ACTR5: variants seen among roughly 807,000 people sequenced by gnomAD.
The protein encoded by ACTR5 is actin related protein 5, also known as actin-related protein 5.
A neutral mutation model predicts 61.2 loss-of-function variants in ACTR5; 43 were observed. The ratio of observed to expected loss-of-function variants is 0.70; its 90% CI spans 0.55 to 0.91. ACTR5 has a LOEUF of 0.91. Among genes scored for constraint, ACTR5 ranks in the 40% least tolerant of loss-of-function variants. The pLI, the probability that ACTR5 is intolerant of heterozygous loss-of-function variation, is 0.00. For synonymous variants in ACTR5, 333 were observed against 310.5 expected (o/e 1.07, Z -0.76); for missense variants, 798 against 782.2 (o/e 1.02, Z -0.24).
chr20:38,754,748 A>G (rs902011770), intron 3 of ACTR5, among the ~76,000 whole-genome samples: 6 of 151,640 alleles, frequency 4.0e-5, no homozygotes, highest in Non-Finnish European at 8.8e-5. Flanking sequence ...GCCACCACGC[A>G]TGGCTAATTT....
chr20:38,751,727 G>A (rs1568633993), intron 2 of ACTR5, among the ~76,000 whole-genome samples: 1 of 152,130 alleles, frequency 6.6e-6, no homozygotes, highest in African/African-American at 2.4e-5. Context: ...CTTAAACTCT[G>A]GCCTTCAGTC....
At position 38,772,034 on chromosome 20, in the gene ACTR5, C is replaced by A; in HGVS notation, c.*218C>A. The A allele has an allele frequency of 1.6e-6, 1 of 607,274 alleles. No homozygotes were observed. Among genetic ancestry groups the A allele is most frequent in the Non-Finnish European group, 2.8e-6 (1 of 356,604 alleles). The allele number at this position is 607,274 out of a possible 1,614,324, so 37.6% of individuals were successfully genotyped here. A position where few individuals can be genotyped will look rare whatever the true frequency, so the allele number is the denominator to read the frequency against. The stretch of plus-strand genomic sequence containing the variant: ...GCTTCTGTGGTAGAGACTAACTGGC[C>A]TTCTGATGTCTTTGTTCAACTGTGG... On this transcript the variant is annotated 3_prime_UTR_variant, in exon 9 of 9. Coordinates refer to ENST00000243903, the MANE Select transcript of ACTR5 (RefSeq NM_024855.4).
In ACTR5 at chr20:38,772,261, G is replaced by A. The variant is rs558559255; in HGVS notation, c.*445G>A. The A allele has an allele frequency of 1.7e-5, 3 of 173,832 alleles. No homozygotes were observed. Among genetic ancestry groups the A allele is most frequent in the East Asian group, 3.0e-4 (2 of 6,604 alleles). 10.8% of individuals were successfully genotyped at this position (173,832 alleles called of 1,614,324 possible). ...TTGCATGAATGCCCAGTGAGGGGAG[G>A]TCTTTCATGCATATAAAAAGGTAAT... On this transcript the variant is annotated 3_prime_UTR_variant, in exon 9 of 9. Transcript: ENST00000243903.
At chr20:38,767,120 T>G (rs1005591567) in intron 7 of ACTR5, among the ~76,000 whole-genome samples, 3 of 152,212 alleles carry the variant, frequency 2.0e-5, no homozygotes, top group African/African-American at 2.4e-5. Context: ...GTGTCTTAAT[T>G]GTAGTGATGG....
At chr20:38,770,819 G>A (rs748083049) in intron 8 of ACTR5, among the ~76,000 whole-genome samples, 1 of 152,166 alleles carries the variant, frequency 6.6e-6, no homozygotes, top group East Asian at 1.9e-4. Flanking sequence ...CTCCATTTGT[G>A]CATGTTGATT....
chr20:38,768,118 C>T (rs375552761), intron 8 of ACTR5, among the ~76,000 whole-genome samples: 4 of 152,210 alleles, frequency 2.6e-5, no homozygotes, highest in African/African-American at 9.6e-5. Context: ...TGCATGATGT[C>T]GTGTACATTC....
Position 38,754,012 on chromosome 20 carries a change from A to T in ACTR5, c.776-945A>T, listed in dbSNP as rs1481074874. ...ACTTAGATTCTGTATTTACCACTTC[A>T]AGGGGAATGTGGAAATGTTAGCAAT... On this transcript the variant is annotated intron_variant, in intron 3 of 8. Coordinates refer to ENST00000243903, the MANE Select transcript of ACTR5 (RefSeq NM_024855.4). 7.2e-5 allele frequency among the ~76,000 whole-genome samples: 11 copies of T among 151,978 alleles called. No individual in the cohort carries two copies. The East Asian group carries it at 2.1e-3, about 29-fold the overall frequency.
chr20:38,762,333 AGT>A (rs2084459924), intron 5 of ACTR5, among the ~76,000 whole-genome samples: 1 of 152,176 alleles, frequency 6.6e-6, no homozygotes, highest in South Asian at 2.1e-4. Flanking sequence ...GCAGCTAGAG[AGT>A]GAATGTTTCA....
rs766053880 is a variant in ACTR5, at chr20:38,748,844, C to T, written c.366C>T (p.Val122=). 2 of 1,607,102 alleles carry T rather than the reference C, an allele frequency of 1.2e-6. No individual in the cohort carries two copies. The highest frequency in any genetic ancestry group is 1.7e-5 in the Admixed American group (1 of 59,624). Residue 122 remains valine, a synonymous_variant, in exon 1 of 9, where the codon GTC becomes GTT. Coordinates refer to ENST00000243903, the MANE Select transcript of ACTR5 (RefSeq NM_024855.4). ...ACTACAGCTTCCAGCACCTGGGTGT[C>T]TCCTCACAGGTGAAGGGCGGAGTAG... ...LLDYSFQHLG[V]SSQGCVDHPI... is the part of the protein sequence containing the mutation.
intron 6 of ACTR5, 99 bp from the exon 7 acceptor site, chr20:38,766,139 A>G (rs2145676128): frequency 7.3e-7 from 1 of 1,369,690 alleles, no homozygotes. Context: ...AACAAGGGAC[A>G]GAAACTATTG....
In ACTR5 at chr20:38,771,602, C is replaced by T; in HGVS notation, c.1610C>T (p.Ala537Val). Residue 537 changes from alanine (A) to valine (V), a missense_variant, in exon 9 of 9, where the codon GCT (alanine) becomes GTT (valine). Ala to Val is a moderately conservative substitution (Grantham distance 64, BLOSUM62 0). Coordinates refer to ENST00000243903, the MANE Select transcript of ACTR5 (RefSeq NM_024855.4). ...SNPVLDAWYG[A>V]RDWALNHLDD... ...CCTGTGCTGGATGCCTGGTACGGTG[C>T]TCGTGACTGGGCCTTGAACCACCTA... 1 of 1,614,144 alleles carries T rather than the reference C, an allele frequency of 6.2e-7. No homozygotes were observed. Among genetic ancestry groups the T allele is most frequent in the Non-Finnish European group, 8.5e-7 (1 of 1,180,022 alleles).
In ACTR5 at chr20:38,748,684, G is replaced by A; in HGVS notation, c.206G>A (p.Arg69His). The change falls in exon 1 of 9, where the codon CGT (arginine) becomes CAT (histidine). Residue 69 changes from arginine to histidine, a missense_variant. By Grantham distance (29) the Arg-to-His change is conservative. Transcript: ENST00000243903. ...LQFRAVCARG[R>H]GGARGASGPQ... ...TTCCGCGCGGTGTGCGCCCGCGGTC[G>A]TGGCGGGGCACGGGGCGCGTCGGGC... 1.3e-6 allele frequency: 2 copies of A among 1,519,492 alleles called. No individual in the cohort carries two copies. The highest frequency in any genetic ancestry group is 2.6e-5 in the East Asian group (1 of 38,262). The allele number at this position is 1,519,492 out of a possible 1,614,324, so 94.1% of individuals were successfully genotyped here. A position where few individuals can be genotyped will look rare whatever the true frequency, so the allele number is the denominator to read the frequency against.
At position 38,748,685 on chromosome 20, in the gene ACTR5, T is replaced by C; in HGVS notation, c.207T>C (p.Arg69=). The C allele has an allele frequency of 6.6e-7, 1 of 1,520,802 alleles. No individual in the cohort carries two copies. The highest frequency in any genetic ancestry group is 2.6e-5 in the East Asian group (1 of 38,360). The allele number at this position is 1,520,802 out of a possible 1,614,324, so 94.2% of individuals were successfully genotyped here. ...LQFRAVCARG[R]GGARGASGPQ... is the part of the protein sequence containing the mutation. ...TCCGCGCGGTGTGCGCCCGCGGTCG[T>C]GGCGGGGCACGGGGCGCGTCGGGCC... Residue 69 remains arginine, a synonymous_variant, in exon 1 of 9, where the codon CGT becomes CGC. Coordinates refer to ENST00000243903, the MANE Select transcript of ACTR5 (RefSeq NM_024855.4).
intron 2 of ACTR5, among the ~76,000 whole-genome samples, chr20:38,751,421 T>C (rs2084386400): frequency 6.6e-6 from 1 of 152,252 alleles, no homozygotes; most frequent in South Asian, 2.1e-4. Context: ...TATGAAGTTC[T>C]CTATGTAAAC....
intron 1 of ACTR5, 21 bp downstream of exon 1, chr20:38,748,874 G>C: frequency 6.3e-7 from 1 of 1,590,692 alleles, no homozygotes. Flanking sequence ...GAGTAGGCTG[G>C]GCTGGGCTGG....
chr20:38,750,406 G>A (rs1157855724), intron 2 of ACTR5, among the ~76,000 whole-genome samples, 167 bp downstream of exon 2: 1 of 152,174 alleles, frequency 6.6e-6, no homozygotes, highest in African/African-American at 2.4e-5. Context: ...AAGTCCCTTT[G>A]CCCATAGTTG....
chr20:38,753,240 A>G (rs903518550), intron 3 of ACTR5, among the ~76,000 whole-genome samples: 1 of 152,072 alleles, frequency 6.6e-6, no homozygotes, highest in South Asian at 2.1e-4. Context: ...TTACAATTCT[A>G]TGATATGATT....
chr20:38,766,563 C>G (rs893511728), intron 7 of ACTR5, among the ~76,000 whole-genome samples, 186 bp downstream of exon 7: 1 of 152,158 alleles, frequency 6.6e-6, no homozygotes, highest in Non-Finnish European at 1.5e-5. Context: ...AACTGGGGCT[C>G]TGTAGTTGTT....
Position 38,748,522 on chromosome 20 carries a change from C to G in ACTR5, c.44C>G (p.Pro15Arg), listed in dbSNP as rs763214521. 17 of 1,504,196 alleles carry G rather than the reference C, an allele frequency of 1.1e-5. No individual in the cohort carries two copies. The highest frequency in any genetic ancestry group is 7.3e-5 in the African/African-American group (5 of 68,682). The allele number at this position is 1,504,196 out of a possible 1,614,324, so 93.2% of individuals were successfully genotyped here. ...CCGTTCCGCGACGCCCGTGCCGCACCGGACCCAGTGCTGGAGGCCGGCCCG... is the reference window on the plus strand; with the variant it reads ...CCGTTCCGCGACGCCCGTGCCGCACGGGACCCAGTGCTGGAGGCCGGCCCG... ...VFPFRDARAA[P>R]DPVLEAGPVA... The change falls in exon 1 of 9, where the codon CCG (proline) becomes CGG (arginine). Residue 15 changes from proline to arginine, a missense_variant. By Grantham distance (103) the Pro-to-Arg change is moderately radical (BLOSUM62 -2). Transcript: ENST00000243903.
Sources: gnomAD v4.1 joint callset for allele counts (sites outside exome capture counted in the v4.1 genomes callset) on GRCh38, gnomAD v4.1.1 for gene constraint, MANE v1.5 for transcripts, NCBI Gene and HGNC (gene_info 2026-07-23, HGNC 2026-07-21) for gene names.